The following HAUS8 variants were observed in gnomAD, a reference collection of about 807,000 sequenced individuals.
HAUS8 encodes HAUS augmin-like complex subunit 8.
Under a neutral mutation model 42.9 loss-of-function variants are expected in HAUS8, and 38 were observed. The ratio of observed to expected loss-of-function variants is 0.89; its 90% CI spans 0.68 to 1.16. The LOEUF is 1.16. Among genes scored for constraint, HAUS8 ranks in the 50% most tolerant of loss-of-function variants. The pLI, the probability that HAUS8 is intolerant of heterozygous loss-of-function variation, is 0.00. For missense variants in HAUS8, 494 were observed against 511.6 expected (o/e 0.97, Z 0.33); for synonymous variants, 199 against 205.8 (o/e 0.97, Z 0.28).
chr19:17,069,056 T>A lies in HAUS8; in HGVS notation c.122A>T (p.Gln41Leu). ...CTTTTGGGTTGTCTTCTTTTCATAC[T>A]GCAGATACCGGGACTCAATCACTCT... ...GGRVIESRYL[Q>L]YEKKTTQKAP... Residue 41 changes from glutamine (Q) to leucine (L), a missense_variant, in exon 3 of 11, where the codon CAG becomes CTG. By Grantham distance (113) the Gln-to-Leu change is moderately radical. Transcript: ENST00000253669. The A allele has an allele frequency of 6.2e-7, 1 of 1,613,610 alleles. No homozygotes were observed. Among genetic ancestry groups the A allele is most frequent in the African/African-American group, 1.3e-5 (1 of 75,040 alleles).
intron 9 of HAUS8, chr19:17,055,144 ATATATATATATATATATATAT>A (rs1444430783): frequency 0.011 from 26 of 2,384 alleles, 3 homozygotes; most frequent in African/African-American, 0.027. Flanking sequence ...AAAAAAAAAA[ATATATATATATATATATATAT>A]ATATATATAT....
intron 6 of HAUS8, 92 bp downstream of exon 6, chr19:17,059,465 G>T: frequency 1.2e-6 from 1 of 835,568 alleles, no homozygotes; most frequent in Non-Finnish European, 2.0e-6. Flanking sequence ...TATGTTCTTG[G>T]ATCCGTGGGC....
chr19:17,055,774 C>A (rs993267870), intron 9 of HAUS8, 87 bp downstream of exon 9: 3 of 1,400,252 alleles, frequency 2.1e-6, no homozygotes, highest in East Asian at 2.5e-5. Context: ...AGGGCACTTG[C>A]GGTGATGACA....
intron 1 of HAUS8, chr19:17,074,761 A>C (rs935542891): frequency 6.6e-6 from 1 of 151,944 alleles, no homozygotes; most frequent in Non-Finnish European, 1.5e-5. Flanking sequence ...GGCCAATTTC[A>C]CTTCAGTTTG....
chr19:17,068,836 T>G (rs938073516), intron 3 of HAUS8, among the ~76,000 whole-genome samples, 195 bp downstream of exon 3: 1 of 152,116 alleles, frequency 6.6e-6, no homozygotes, highest in Admixed American at 6.6e-5. Flanking sequence ...GAGATGCTTA[T>G]AGCCATGAGC....
chr19:17,052,110 A>C (rs1480889603), intron 10 of HAUS8: 1 of 151,664 alleles, frequency 6.6e-6, no homozygotes, highest in Non-Finnish European at 1.5e-5. Flanking sequence ...ATTGCACTTA[A>C]GCCTGAGCAA....
intron 9 of HAUS8, chr19:17,055,193 A>AT (rs1568635009): frequency 2.6e-5 from 2 of 77,980 alleles, no homozygotes; most frequent in African/African-American, 1.3e-4. Flanking sequence ...TATATATATA[A>AT]GCCAGGTGTG....
chr19:17,067,209 A>AG (rs2057392194), intron 3 of HAUS8, among the ~76,000 whole-genome samples: 2 of 151,664 alleles, frequency 1.3e-5, no homozygotes, highest in Admixed American at 1.3e-4. Context: ...CATCTCAAAA[A>AG]AAAAAAAAAA....
chr19:17,069,143 C>T (rs1165009540), intron 2 of HAUS8, 57 bp from the exon 3 acceptor site: 5 of 1,507,360 alleles, frequency 3.3e-6, no homozygotes, highest in African/African-American at 1.4e-5. Context: ...AGACCCCACA[C>T]ACCCAGACCC....
At chr19:17,052,492 C>T (rs2057293608) in intron 10 of HAUS8, 2 of 197,018 alleles carry the variant, frequency 1.0e-5, no homozygotes, top group Non-Finnish European at 2.0e-5. Flanking sequence ...GAGGTGGGAT[C>T]ACTTGAGCCC....
At chr19:17,059,437 A>G in intron 6 of HAUS8, 120 bp downstream of exon 6, 1 of 687,672 alleles carries the variant, frequency 1.5e-6, no homozygotes. Context: ...TTTTGTCCTA[A>G]AGGGCATGGG....
At chr19:17,055,171 TATATATATATATATATATATAA>T (rs1337659822) in intron 9 of HAUS8, 6 of 49,218 alleles carry the variant, frequency 1.2e-4, no homozygotes, top group African/African-American at 6.3e-4. Flanking sequence ...TATATATATA[TATATATATATATATATATATAA>T]GCCAGGTGTG....
chr19:17,052,581 A>G (rs1264059245), intron 10 of HAUS8: 2 of 402,014 alleles, frequency 5.0e-6, no homozygotes, highest in African/African-American at 2.1e-5. Flanking sequence ...TGTCTCAAAA[A>G]AAAAAGAAAG....
chr19:17,053,391 C>A, intron 9 of HAUS8: 1 of 190,652 alleles, frequency 5.2e-6, no homozygotes, highest in Non-Finnish European at 1.1e-5. Context: ...GGACAACACG[C>A]CTCTCTACCC....
chr19:17,075,234 C>T (rs1051445978), intron 1 of HAUS8, 160 bp downstream of exon 1: 6 of 764,186 alleles, frequency 7.9e-6, no homozygotes, highest in East Asian at 5.5e-5. Context: ...CCGGAGCATG[C>T]GCAGAGGCAG....
rs754245645 is a variant in HAUS8 at position 17,059,515 on chromosome 19, A to G, written c.420+42T>C. 16 of 1,372,476 alleles carry G rather than the reference A, an allele frequency of 1.2e-5. No homozygotes were observed. In the Admixed American group the frequency reaches 2.6e-4, roughly 22 times the overall value. 85.0% of individuals were successfully genotyped at this position (1,372,476 alleles called of 1,614,324 possible). On this transcript the variant is annotated intron_variant, in intron 6 of 10. Transcript: ENST00000253669. ...TCAGAGTGGACTCTAAATCAGATCT[A>G]TGCAACCCATCTGTGGCTGCCCTCT...
rs1035185132 is a variant in HAUS8, at chr19:17,075,314, C to T, written c.29+80G>A. 285 of 1,507,308 alleles carry T rather than the reference C, an allele frequency of 1.9e-4. 1 individual carries two copies. The highest frequency in any genetic ancestry group is 2.6e-4 in the Non-Finnish European group (280 of 1,083,790). 93.4% of individuals were successfully genotyped at this position (1,507,308 alleles called of 1,614,324 possible). Reference sequence around the variant, plus strand: ...TCGAACCCGAACTCACCCCGAGGGTCCTAACTCCCCACCTCCGCTGCCCAT... The same window carrying T: ...TCGAACCCGAACTCACCCCGAGGGTTCTAACTCCCCACCTCCGCTGCCCAT... On this transcript the variant is annotated intron_variant, in intron 1 of 10. Transcript: ENST00000253669.
chr19:17,062,767 C>G lies in HAUS8; in HGVS notation c.160G>C (p.Asp54His). 1 of 1,613,728 alleles carries G rather than the reference C, an allele frequency of 6.2e-7. No individual in the cohort carries two copies. Residue 54 changes from aspartate to histidine, a missense_variant, in exon 4 of 11, where the codon GAT becomes CAT. Physicochemically the swap from Asp to His is moderately conservative, Grantham distance 81. Coordinates refer to ENST00000253669, the MANE Select transcript of HAUS8 (RefSeq NM_033417.2). ...ATCTTCCCTCGGGTCTGTGACCCAT[C>G]TCCTGCAGGAGCCTGTTATGGGAAC... is the stretch of plus-strand genomic sequence containing the variant. The part of the protein sequence containing the change: ...KKTTQKAPAG[D>H]GSQTRGKMSE...
At chr19:17,071,100 C>T (rs1041199785) in intron 2 of HAUS8, among the ~76,000 whole-genome samples, 4 of 150,100 alleles carry the variant, frequency 2.7e-5, no homozygotes, top group African/African-American at 7.3e-5. Context: ...TGCATTGTAT[C>T]GGTGCCATAG....
Sources: allele counts gnomAD v4.1 joint callset (sites outside exome capture counted in the v4.1 genomes callset), GRCh38; gene constraint gnomAD v4.1.1; transcripts MANE v1.5; gene names NCBI Gene and HGNC (gene_info 2026-07-23, HGNC 2026-07-21).